ADGRL3: variants seen among roughly 807,000 people sequenced by gnomAD.
The protein encoded by ADGRL3 is adhesion G protein-coupled receptor L3, also known as calcium-independent alpha-latrotoxin receptor 3.
In ADGRL3, 62 loss-of-function variants were observed where a neutral mutation model predicts 153.5. The ratio of observed to expected loss-of-function variants is 0.40; its 90% CI spans 0.33 to 0.50. The LOEUF is 0.50. ADGRL3 is among the 20% of genes least tolerant of loss of function. The pLI, the probability that ADGRL3 is intolerant of heterozygous loss-of-function variation, is 0.47. For synonymous variants in ADGRL3, 710 were observed against 672.5 expected (o/e 1.06, Z -0.86); for missense variants, 1,641 against 1,859.4 (o/e 0.88, Z 2.16).
chr4:61,990,009 A>G (rs990171260), intron 19 of ADGRL3, among the ~76,000 whole-genome samples: 2 of 152,040 alleles, frequency 1.3e-5, no homozygotes, highest in Non-Finnish European at 1.5e-5. Context: ...AAGGTTAAAC[A>G]TAGTTTTGAT....
At chr4:61,574,404 A>G (rs1416526636) in intron 4 of ADGRL3, among the ~76,000 whole-genome samples, 1 of 152,004 alleles carries the variant, frequency 6.6e-6, no homozygotes, top group East Asian at 1.9e-4. Flanking sequence ...AGAAATGTTA[A>G]TTTTGAAATA....
intron 4 of ADGRL3, among the ~76,000 whole-genome samples, chr4:61,560,705 TAAC>T (rs2098791437): frequency 6.6e-6 from 1 of 152,032 alleles, no homozygotes. Flanking sequence ...ACTCCCTTTA[TAAC>T]AACTTACGGA....
At chr4:62,056,849 C>T (rs1003707284) in intron 25 of ADGRL3, among the ~76,000 whole-genome samples, 17 of 151,930 alleles carry the variant, frequency 1.1e-4, no homozygotes, top group African/African-American at 4.1e-4. Context: ...ATAAAGCAAA[C>T]AGGACATTTG....
intron 4 of ADGRL3, among the ~76,000 whole-genome samples, chr4:61,561,723 A>C: frequency 6.6e-6 from 1 of 152,224 alleles, no homozygotes. Context: ...GTAATTTATA[A>C]CCTATAAATC....
chr4:61,595,410 A>G (rs929429359), intron 5 of ADGRL3, among the ~76,000 whole-genome samples: 1 of 151,968 alleles, frequency 6.6e-6, no homozygotes, highest in Non-Finnish European at 1.5e-5. Context: ...TCTTCACTTC[A>G]AAGCAGTGGT....
At chr4:61,309,924 A>G (rs1363224736) in intron 1 of ADGRL3, among the ~76,000 whole-genome samples, 1 of 152,018 alleles carries the variant, frequency 6.6e-6, no homozygotes, top group Admixed American at 6.6e-5. Flanking sequence ...AAGCAACTTT[A>G]CATGTATAAG....
At chr4:61,725,670 T>G (rs1184489392) in intron 6 of ADGRL3, among the ~76,000 whole-genome samples, 1 of 151,774 alleles carries the variant, frequency 6.6e-6, no homozygotes, top group Admixed American at 6.6e-5. Context: ...CAGTACTTAA[T>G]GAATGAATAT....
At chr4:61,571,931 T>G (rs2098840721) in intron 4 of ADGRL3, among the ~76,000 whole-genome samples, 1 of 152,194 alleles carries the variant, frequency 6.6e-6, no homozygotes, top group Non-Finnish European at 1.5e-5. Context: ...GAATAAAGCC[T>G]CTTTCTTGGC....
intron 2 of ADGRL3, among the ~76,000 whole-genome samples, chr4:61,404,505 G>A (rs925840171): frequency 2.6e-5 from 4 of 151,916 alleles, no homozygotes; most frequent in East Asian, 1.9e-4. Flanking sequence ...AACTTCAAAC[G>A]GTTTACCTGA....
At chr4:61,818,672 A>G (rs1244078582) in intron 9 of ADGRL3, among the ~76,000 whole-genome samples, 1 of 152,100 alleles carries the variant, frequency 6.6e-6, no homozygotes, top group Non-Finnish European at 1.5e-5. Flanking sequence ...TCCAACAGTC[A>G]TTTCTGCTTG....
intron 5 of ADGRL3, among the ~76,000 whole-genome samples, chr4:61,621,110 G>A (rs1264932174): frequency 6.6e-6 from 1 of 152,056 alleles, no homozygotes; most frequent in Non-Finnish European, 1.5e-5. Flanking sequence ...TATGGAACAA[G>A]TACATGTTGA....
At chr4:61,863,020 T>C (rs1228643095) in intron 9 of ADGRL3, among the ~76,000 whole-genome samples, 1 of 152,118 alleles carries the variant, frequency 6.6e-6, no homozygotes, top group African/African-American at 2.4e-5. Context: ...AAACATGACT[T>C]GGATTTCAGA....
intron 8 of ADGRL3, among the ~76,000 whole-genome samples, chr4:61,744,397 G>A (rs2096625299): frequency 1.3e-5 from 2 of 152,136 alleles, no homozygotes; most frequent in African/African-American, 4.8e-5. Context: ...TCTGAGAACG[G>A]GCAGACTGCC....
At chr4:61,803,617 A>G (rs2097524441) in intron 8 of ADGRL3, among the ~76,000 whole-genome samples, 2 of 152,140 alleles carry the variant, frequency 1.3e-5, no homozygotes, top group Non-Finnish European at 2.9e-5. Flanking sequence ...TAGGAACCAA[A>G]TGATTCATTT....
At chr4:61,227,032 A>AACGATC (rs1553881728) in intron 1 of ADGRL3, among the ~76,000 whole-genome samples, 4 of 152,104 alleles carry the variant, frequency 2.6e-5, no homozygotes, top group Non-Finnish European at 4.4e-5. Context: ...TTTATATCTA[A>AACGATC]ATGAAATCTT....
In ADGRL3 at chr4:61,537,035, G is replaced by A. The variant is rs538518878; in HGVS notation, c.259+19517G>A. 4.3e-4 allele frequency among the ~76,000 whole-genome samples: 66 copies of A among 152,042 alleles called. 1 individual carries two copies. Among genetic ancestry groups the A allele is most frequent in the South Asian group, 2.1e-3 (10 of 4,820 alleles). The stretch of plus-strand genomic sequence containing the variant: ...GTGCATATTATCCTTTTATTTCCAC[G>A]TTTAGAACTCCTTTGAGTATTTTTT... On this transcript the variant is annotated intron_variant, in intron 4 of 26. Coordinates refer to ENST00000683033, the MANE Select transcript of ADGRL3 (RefSeq NM_001387552.1).
Position 61,411,148 on chromosome 4 carries a change from G to A in ADGRL3, c.-174+27959G>A, listed in dbSNP as rs115976899. Among the ~76,000 whole-genome samples the A allele has an allele frequency of 8.7e-3, 1,319 of 152,202 alleles. 18 individuals are homozygous for A. Among genetic ancestry groups the A allele is most frequent in the African/African-American group, 0.03 (1,241 of 41,526 alleles). ...TCAGCTCTGTCTATAAACCTATTCA[G>A]ATTTTGTCAATTGTCCCAACAATGT... On this transcript the variant is annotated intron_variant, in intron 2 of 26. Transcript: ENST00000683033.
At chr4:61,674,273 A>G (rs1352529852) in intron 5 of ADGRL3, among the ~76,000 whole-genome samples, 1 of 151,626 alleles carries the variant, frequency 6.6e-6, no homozygotes, top group Non-Finnish European at 1.5e-5. Context: ...GATTCAACAC[A>G]ACTTTCTGTG....
chr4:61,276,358 A>C (rs754712521), intron 1 of ADGRL3, among the ~76,000 whole-genome samples: 14 of 152,170 alleles, frequency 9.2e-5, no homozygotes, highest in Non-Finnish European at 1.9e-4. Context: ...TAATGCTTGC[A>C]GTATAGATAA....
Sources: allele counts gnomAD v4.1 joint callset (sites outside exome capture counted in the v4.1 genomes callset), GRCh38; gene constraint gnomAD v4.1.1; transcripts MANE v1.5; gene names NCBI Gene and HGNC (gene_info 2026-07-23, HGNC 2026-07-21).